Variants in CHST11 observed in about 807,000 individuals in gnomAD.
CHST11 encodes the protein C4S-1.
In CHST11, 9 loss-of-function variants were observed where a neutral mutation model predicts 30.4. The ratio of observed to expected loss-of-function variants is 0.30; its 90% CI spans 0.18 to 0.52. The LOEUF (loss-of-function observed/expected upper bound fraction) is 0.52, where lower values mean the gene tolerates loss of function less well. Ranked by LOEUF, CHST11 falls within the 20% of genes least tolerant of loss-of-function variation. The pLI is 0.97. For synonymous variants in CHST11, 152 were observed against 187.8 expected, an observed-to-expected ratio of 0.81 and a Z score of 1.56; for missense variants, 348 against 460.6, an observed-to-expected ratio of 0.76 and a Z score of 2.24.
chr12:104,497,521 C>T (rs1373798302), intron 1 of CHST11, among the ~76,000 whole-genome samples: 1 of 152,098 alleles, frequency 6.6e-6, no homozygotes, highest in Non-Finnish European at 1.5e-5. Flanking sequence ...TTATGGCAGC[C>T]CAGGCAAATC....
intron 2 of CHST11, among the ~76,000 whole-genome samples, chr12:104,610,653 A>G (rs1240050954): frequency 1.3e-5 from 2 of 152,250 alleles, no homozygotes; most frequent in East Asian, 1.9e-4. Context: ...TAACCTTGTC[A>G]GAATGGATAG....
rs1431735059 is a variant in CHST11, at chr12:104,625,449, T to G, written c.204+23458T>G. On this transcript the variant is annotated intron_variant, in intron 2 of 2. Coordinates refer to ENST00000303694, the MANE Select transcript of CHST11 (RefSeq NM_018413.6). ...CCTCCTGAGTACCTGGGATTACATG[T>G]GCCCACCACCATGCCTGGCTCATTT... 2.6e-5 allele frequency among the ~76,000 whole-genome samples: 4 copies of G among 152,312 alleles called. No individual in the cohort carries two copies. In the East Asian group the frequency reaches 7.7e-4, roughly 29 times the overall value.
At chr12:104,750,783 A>T (rs2040425127) in intron 2 of CHST11, among the ~76,000 whole-genome samples, 1 of 152,132 alleles carries the variant, frequency 6.6e-6, no homozygotes, top group African/African-American at 2.4e-5. Flanking sequence ...AATAATTTAA[A>T]TCAACACTAG....
chr12:104,737,422 G>A (rs1592866630), intron 2 of CHST11, among the ~76,000 whole-genome samples: 1 of 152,222 alleles, frequency 6.6e-6, no homozygotes, highest in Non-Finnish European at 1.5e-5. Context: ...TGTAAGTTGG[G>A]GATATCACTT....
chr12:104,481,657 G>C (rs970961014), intron 1 of CHST11, among the ~76,000 whole-genome samples: 1 of 152,078 alleles, frequency 6.6e-6, no homozygotes, highest in African/African-American at 2.4e-5. Context: ...CATTTTTGGA[G>C]AGGGCTTTGG....
rs758294420 is a variant in CHST11 at position 104,757,456 on chromosome 12, G to C, written c.712G>C (p.Glu238Gln). Residue 238 changes from glutamate (E) to glutamine (Q), a missense_variant, in exon 3 of 3, where the codon GAG becomes CAG. By Grantham distance (29) the Glu-to-Gln change is conservative. Around this residue, in one of 3 missense-constraint regions of CHST11, gnomAD observed 210 missense variants for 287.2 expected, o/e 0.73. Coordinates refer to ENST00000303694, the MANE Select transcript of CHST11 (RefSeq NM_018413.6). The surrounding 1 kb of genome is among the most constrained non-coding windows in gnomAD (Gnocchi z 6.5). The stretch of plus-strand genomic sequence containing the variant: ...GCGCAAAGGGGACGATGTCAAATTC[G>C]AGGAGTTTGTGGCCTATCTCATCGA... ...ALRKGDDVKF[E>Q]EFVAYLIDPH... is the part of the protein sequence containing the mutation. 4 of 1,614,012 alleles carry C rather than the reference G, an allele frequency of 2.5e-6. No homozygotes were observed. Among genetic ancestry groups the C allele is most frequent in the Non-Finnish European group, 3.4e-6 (4 of 1,180,024 alleles).
At chr12:104,715,370 T>C (rs1382489311) in intron 2 of CHST11, among the ~76,000 whole-genome samples, 1 of 152,058 alleles carries the variant, frequency 6.6e-6, no homozygotes, top group Admixed American at 6.5e-5. Context: ...TGAGACTCTG[T>C]CTCAAAAACA....
At chr12:104,471,229 G>A (rs185063960) in intron 1 of CHST11, among the ~76,000 whole-genome samples, 1 of 152,272 alleles carries the variant, frequency 6.6e-6, no homozygotes, top group Non-Finnish European at 1.5e-5. Flanking sequence ...TTCAGGGAAG[G>A]GGCCATGTCT....
At chr12:104,601,846 T>C (rs1418170401) in intron 1 of CHST11, 60 bp from the exon 2 acceptor site, 11 of 1,407,146 alleles carry the variant, frequency 7.8e-6, no homozygotes, top group Non-Finnish European at 1.1e-5. Flanking sequence ...TGCCTTTTTC[T>C]TTGACAGACA....
intron 1 of CHST11, among the ~76,000 whole-genome samples, chr12:104,515,021 G>A (rs1013250692): frequency 3.3e-5 from 5 of 152,130 alleles, no homozygotes; most frequent in South Asian, 2.1e-4. Context: ...ATGTGGTGTC[G>A]TATTATTGGA....
intron 1 of CHST11, among the ~76,000 whole-genome samples, chr12:104,490,932 A>T (rs370023633): frequency 8.5e-5 from 13 of 152,164 alleles, no homozygotes; most frequent in African/African-American, 3.1e-4. Flanking sequence ...ATAGCCTGTC[A>T]TTTTGCTCAC....
At chr12:104,696,411 C>A (rs1424044732) in intron 2 of CHST11, among the ~76,000 whole-genome samples, 3 of 134,782 alleles carry the variant, frequency 2.2e-5, no homozygotes, top group African/African-American at 8.4e-5. Context: ...CTGAGGCGGG[C>A]GGATTACTTG....
intron 1 of CHST11, among the ~76,000 whole-genome samples, chr12:104,561,831 G>C (rs548563378): frequency 1.3e-5 from 2 of 148,856 alleles, no homozygotes; most frequent in Non-Finnish European, 3.0e-5. Flanking sequence ...TCACTCAGTC[G>C]CCAGGCTGGA....
At position 104,757,890 on chromosome 12, in the gene CHST11, T is replaced by C; in HGVS notation, c.*87T>C. 7.6e-7 allele frequency: 1 copy of C among 1,319,010 alleles called. No individual in the cohort carries two copies. The highest frequency in any genetic ancestry group is 1.0e-6 in the Non-Finnish European group (1 of 967,924). The allele number at this position is 1,319,010 out of a possible 1,614,324, so 81.7% of individuals were successfully genotyped here. A position where few individuals can be genotyped will look rare whatever the true frequency, so the allele number is the denominator to read the frequency against. ...ATTATATGGATATTGGGTTATTTTG[T>C]AAATTAATATTTCTTTGGGGATGAT... On this transcript the variant is annotated 3_prime_UTR_variant, in exon 3 of 3. Transcript: ENST00000303694. This position sits in a 1 kb window ranked among gnomAD's most constrained non-coding sequence, Gnocchi z 6.5.
chr12:104,679,475 G>T (rs1245298713), intron 2 of CHST11, among the ~76,000 whole-genome samples: 1 of 152,146 alleles, frequency 6.6e-6, no homozygotes, highest in African/African-American at 2.4e-5. Flanking sequence ...CAGAACTCTG[G>T]AGTCAGATCT....
intron 1 of CHST11, among the ~76,000 whole-genome samples, chr12:104,508,659 A>C (rs1027293603): frequency 6.6e-6 from 1 of 152,190 alleles, no homozygotes; most frequent in African/African-American, 2.4e-5. Context: ...GGATTATCCA[A>C]CCATCAGCTT....
At chr12:104,735,792 G>C (rs60350279) in intron 2 of CHST11, among the ~76,000 whole-genome samples, 1 of 152,208 alleles carries the variant, frequency 6.6e-6, no homozygotes, top group African/African-American at 2.4e-5. Context: ...AGGCATCTGC[G>C]CTTTCCATGG....
At chr12:104,490,886 A>G (rs1431845515) in intron 1 of CHST11, among the ~76,000 whole-genome samples, 2 of 152,220 alleles carry the variant, frequency 1.3e-5, no homozygotes, top group African/African-American at 2.4e-5. Flanking sequence ...AATATTGACC[A>G]TCCTTCAAAG....
At chr12:104,686,440 G>A (rs1342709507) in intron 2 of CHST11, among the ~76,000 whole-genome samples, 1 of 152,096 alleles carries the variant, frequency 6.6e-6, no homozygotes, top group Non-Finnish European at 1.5e-5. Flanking sequence ...GTTGATGATT[G>A]CTGGAATAAA....
Sources: gnomAD v4.1 joint callset for allele counts (sites outside exome capture counted in the v4.1 genomes callset) on GRCh38, gnomAD v4.1.1 for gene constraint, gnomAD v4.1.1 regional missense constraint, Gnocchi (gnomAD v3.1) non-coding constraint, MANE v1.5 for transcripts, NCBI Gene and HGNC (gene_info 2026-07-23, HGNC 2026-07-21) for gene names.